The following ZC3H7B variants were observed in gnomAD, a reference collection of about 807,000 sequenced individuals.
ZC3H7B encodes the protein zinc finger CCCH domain-containing protein 7B.
Under a neutral mutation model 116.0 loss-of-function variants are expected in ZC3H7B, and 35 were observed. The observed-to-expected ratio is 0.30, with a 90% confidence interval of 0.23 to 0.40. The LOEUF (loss-of-function observed/expected upper bound fraction) is 0.40, where lower values mean the gene tolerates loss of function less well. Among genes scored for constraint, ZC3H7B ranks in the 10% least tolerant of loss-of-function variants. The probability of loss-of-function intolerance (pLI) is 1.00; values close to 1 mark genes in which losing one functional copy is unlikely to be tolerated. For synonymous variants in ZC3H7B, 502 were observed against 545.6 expected, an observed-to-expected ratio of 0.92 and a Z score of 1.11; for missense variants, 1,011 against 1,321.5, an observed-to-expected ratio of 0.77 and a Z score of 3.64.
chr22:41,307,122 C>G (rs905218559), intron 1 of ZC3H7B, among the ~76,000 whole-genome samples: 2 of 151,916 alleles, frequency 1.3e-5, no homozygotes, highest in African/African-American at 4.8e-5. Flanking sequence ...TACAGGCACG[C>G]ACCACCACAC....
rs374927308 is a variant in ZC3H7B at position 41,355,432 on chromosome 22, T to C, written c.2035-37T>C. The C allele has an allele frequency of 1.1e-5, 17 of 1,611,036 alleles. No homozygotes were observed. In the African/African-American group the frequency reaches 1.7e-4, roughly 16 times the overall value. ...ACTCCAGGGCCTCAGGCCTGGTGCC[T>C]GCAGCTTCACCAACCCCCCTCCCCA... On this transcript the variant is annotated intron_variant, in intron 17 of 22. Transcript: ENST00000352645.
chr22:41,353,285 G>C (rs944475743), intron 17 of ZC3H7B, among the ~76,000 whole-genome samples: 2 of 152,280 alleles, frequency 1.3e-5, no homozygotes, highest in East Asian at 3.9e-4. Context: ...ACTTGCCCAG[G>C]GGCACACTGA....
In ZC3H7B at chr22:41,340,080, G is replaced by T; in HGVS notation, c.1081G>T (p.Ala361Ser). The T allele has an allele frequency of 6.2e-7, 1 of 1,612,056 alleles. No individual in the cohort carries two copies. The highest frequency in any genetic ancestry group is 8.5e-7 in the Non-Finnish European group (1 of 1,179,882). Residue 361 changes from alanine (A) to serine (S), a missense_variant, in exon 10 of 23, where the codon GCA becomes TCA. Around this residue, in one of 5 missense-constraint regions of ZC3H7B, gnomAD observed 99 missense variants for 89.5 expected, o/e 1.11. Transcript: ENST00000352645. ...LLPYSETRLD[A>S]LDSFGSTRGS... ...GCCGTACTCGGAGACCCGGCTGGATGCACTCGACAGCTTTGGGTCGACACG... is the reference window on the plus strand; with the variant it reads ...GCCGTACTCGGAGACCCGGCTGGATTCACTCGACAGCTTTGGGTCGACACG...
At chr22:41,322,985 C>T (rs1423248158) in intron 2 of ZC3H7B, among the ~76,000 whole-genome samples, 8 of 152,218 alleles carry the variant, frequency 5.3e-5, no homozygotes, top group African/African-American at 1.7e-4. Flanking sequence ...CCTTTTCACA[C>T]GCCCTCGGTA....
rs1026244504 is a variant in ZC3H7B, at chr22:41,359,976, CTG to C, written c.*2551_*2552del. On this transcript the variant is annotated 3_prime_UTR_variant, in exon 23 of 23. Coordinates refer to ENST00000352645, the MANE Select transcript of ZC3H7B (RefSeq NM_017590.6). ...TCAATTTAATGGTCCTTTAAAATGT[CTG>C]TGTATTAAAAATTTAAGAATACCAC... 3.3e-5 allele frequency: 5 copies of C among 152,506 alleles called. No individual in the cohort carries two copies. The highest frequency in any genetic ancestry group is 1.2e-4 in the African/African-American group (5 of 41,386). The allele number at this position is 152,506 out of a possible 1,614,324, so 9.4% of individuals were successfully genotyped here.
In ZC3H7B at chr22:41,358,585, G is replaced by A. The variant is rs1019741190; in HGVS notation, c.*1156G>A. On this transcript the variant is annotated 3_prime_UTR_variant, in exon 23 of 23. Transcript: ENST00000352645. ...CATGGGCCACTCCAGGATGGGACAC[G>A]GCCCCTCTTTCTTGGGGACCCAGTA... 1.3e-5 allele frequency: 2 copies of A among 152,346 alleles called. No homozygotes were observed. Among genetic ancestry groups the A allele is most frequent in the African/African-American group, 2.4e-5 (1 of 41,356 alleles). The allele number at this position is 152,346 out of a possible 1,614,324, so 9.4% of individuals were successfully genotyped here. A position where few individuals can be genotyped will look rare whatever the true frequency, so the allele number is the denominator to read the frequency against.
intron 17 of ZC3H7B, among the ~76,000 whole-genome samples, chr22:41,353,281 C>G (rs886870726): frequency 6.6e-6 from 1 of 152,124 alleles, no homozygotes; most frequent in Admixed American, 6.5e-5. Context: ...AGTGACTTGC[C>G]CAGGGGCACA....
intron 17 of ZC3H7B, among the ~76,000 whole-genome samples, chr22:41,352,623 G>C (rs557032193): frequency 1.3e-5 from 2 of 151,974 alleles, no homozygotes; most frequent in South Asian, 2.1e-4. Flanking sequence ...TTAGCTGGGC[G>C]TGGTGGCGGG....
rs780626230 is a variant in ZC3H7B at position 41,340,104 on chromosome 22, C to G, written c.1105C>G (p.Arg369Gly). ...LDALDSFGST[R>G]GSLDKPDSFM... Reference sequence around the variant, plus strand: ...TGCACTCGACAGCTTTGGGTCGACACGAGGCTCCCTGGACAAACCTGACTC... The same window carrying G: ...TGCACTCGACAGCTTTGGGTCGACAGGAGGCTCCCTGGACAAACCTGACTC... Residue 369 changes from arginine (R) to glycine (G), a missense_variant, in exon 10 of 23, where the codon CGA (arginine) becomes GGA (glycine). Coordinates refer to ENST00000352645, the MANE Select transcript of ZC3H7B (RefSeq NM_017590.6). 3.7e-6 allele frequency: 6 copies of G among 1,610,778 alleles called. No individual in the cohort carries two copies. In the Admixed American group the frequency reaches 6.7e-5, roughly 18 times the overall value.
intron 13 of ZC3H7B, among the ~76,000 whole-genome samples, chr22:41,345,503 T>C (rs2036573207): frequency 6.6e-6 from 1 of 152,046 alleles, no homozygotes; most frequent in Non-Finnish European, 1.5e-5. Flanking sequence ...GAGAATCACT[T>C]GAATCCAGGA....
At chr22:41,315,926 C>T (rs902305428) in intron 1 of ZC3H7B, among the ~76,000 whole-genome samples, 1 of 152,106 alleles carries the variant, frequency 6.6e-6, no homozygotes, top group Non-Finnish European at 1.5e-5. Flanking sequence ...TAACATTCTA[C>T]CCTTCATCCC....
Position 41,356,626 on chromosome 22 carries a change from A to G in ZC3H7B, c.2518-19A>G. ...CAGAGGTGTGGGGGAGCAGGCACCC[A>G]TGATGGCTGTGCTCCCAGATGGGCT... On this transcript the variant is annotated intron_variant, in intron 21 of 22. Coordinates refer to ENST00000352645, the MANE Select transcript of ZC3H7B (RefSeq NM_017590.6). 6.2e-7 allele frequency: 1 copy of G among 1,613,138 alleles called. No homozygotes were observed. The highest frequency in any genetic ancestry group is 1.1e-5 in the South Asian group (1 of 91,076).
Position 41,330,085 on chromosome 22 carries a change from G to A in ZC3H7B, c.507G>A (p.Lys169=), listed in dbSNP as rs1601777667. Reference sequence around the variant, plus strand: ...AGAAACTGGGGCTGCGAGTTCGCAAGGCGTATAAGAGGCCCCAGGTAGGTG... The same window carrying A: ...AGAAACTGGGGCTGCGAGTTCGCAAAGCGTATAAGAGGCCCCAGGTAGGTG... ...LAQKLGLRVR[K]AYKRPQELET... is the part of the protein sequence containing the mutation. The change falls in exon 6 of 23, where the codon AAG becomes AAA. Residue 169 remains lysine (K), a synonymous_variant. Transcript: ENST00000352645. 1 of 1,613,966 alleles carries A rather than the reference G, an allele frequency of 6.2e-7. No homozygotes were observed. Among genetic ancestry groups the A allele is most frequent in the Non-Finnish European group, 8.5e-7 (1 of 1,179,996 alleles).
At position 41,309,260 on chromosome 22, in the gene ZC3H7B, T is replaced by G. The variant is rs1403447212; in HGVS notation, c.-7+7488T>G. On this transcript the variant is annotated intron_variant, in intron 1 of 22. Transcript: ENST00000352645. ...CTCCTGACCTCGTGATCCGCCCATC[T>G]CGGCCTCCCAAAGTGCTGGGATTAC... 5.9e-5 allele frequency among the ~76,000 whole-genome samples: 9 copies of G among 152,066 alleles called. No individual in the cohort carries two copies. The South Asian group carries it at 1.0e-3, about 18-fold the overall frequency.
rs1179942493 is a variant in ZC3H7B at position 41,338,195 on chromosome 22, C to T, written c.583-118C>T. The T allele has an allele frequency of 1.9e-6, 2 of 1,064,194 alleles. No individual in the cohort carries two copies. Among genetic ancestry groups the T allele is most frequent in the African/African-American group, 3.2e-5 (2 of 63,112 alleles). The allele number at this position is 1,064,194 out of a possible 1,614,324, so 65.9% of individuals were successfully genotyped here. A position where few individuals can be genotyped will look rare whatever the true frequency, so the allele number is the denominator to read the frequency against. Reference sequence around the variant, plus strand: ...ATGTGAGGGCTTTAATCTCCCCTGGCACTCTAAGTGCTCCTCGGTGCTGGG... The same window carrying T: ...ATGTGAGGGCTTTAATCTCCCCTGGTACTCTAAGTGCTCCTCGGTGCTGGG... On this transcript the variant is annotated intron_variant, in intron 7 of 22. Transcript: ENST00000352645. The surrounding 1 kb of genome is among the most constrained non-coding windows in gnomAD (Gnocchi z 4.5).
At chr22:41,331,663 G>T (rs1297365965) in intron 6 of ZC3H7B, among the ~76,000 whole-genome samples, 1 of 151,458 alleles carries the variant, frequency 6.6e-6, no homozygotes, top group African/African-American at 2.4e-5. Flanking sequence ...TTGAGCTCAG[G>T]AGTTCAAGAC....
At chr22:41,312,050 G>A (rs1032868036) in intron 1 of ZC3H7B, among the ~76,000 whole-genome samples, 7 of 151,686 alleles carry the variant, frequency 4.6e-5, no homozygotes, top group South Asian at 2.1e-4. Context: ...ATACATCCTC[G>A]GGAGGCTGAG....
At chr22:41,305,074 C>T (rs547878270) in intron 1 of ZC3H7B, among the ~76,000 whole-genome samples, 4 of 152,026 alleles carry the variant, frequency 2.6e-5, no homozygotes, top group African/African-American at 7.2e-5. Flanking sequence ...TGGCCGGCTG[C>T]GGTGGCTCAC....
chr22:41,316,966 C>A (rs909079353), intron 1 of ZC3H7B, among the ~76,000 whole-genome samples: 1 of 152,154 alleles, frequency 6.6e-6, no homozygotes, highest in Admixed American at 6.6e-5. Flanking sequence ...TCTCAGCCTC[C>A]CGAGTAGCTG....
Sources: gnomAD v4.1 joint callset for allele counts (sites outside exome capture counted in the v4.1 genomes callset) on GRCh38, gnomAD v4.1.1 for gene constraint, gnomAD v4.1.1 regional missense constraint, Gnocchi (gnomAD v3.1) non-coding constraint, MANE v1.5 for transcripts, NCBI Gene and HGNC (gene_info 2026-07-23, HGNC 2026-07-21) for gene names.